STRN: variants seen among roughly 807,000 people sequenced by gnomAD.
STRN encodes the protein protein phosphatase 2 regulatory subunit B'''alpha.
Under a neutral mutation model 96.3 loss-of-function variants are expected in STRN, and 53 were observed. The observed-to-expected ratio is 0.55, with a 90% CI of 0.44 to 0.69. The LOEUF is 0.69. Among genes scored for constraint, STRN ranks in the 30% least tolerant of loss-of-function variants. STRN has a pLI of 0.00. For synonymous variants in STRN, 428 were observed against 355.9 expected, an observed-to-expected ratio of 1.20 and a Z score of -2.28; for missense variants, 987 against 963.9, an observed-to-expected ratio of 1.02 and a Z score of -0.32.
chr2:36,916,048 A>G (rs779702649), intron 3 of STRN, 30 bp downstream of exon 3: 2 of 1,575,410 alleles, frequency 1.3e-6, no homozygotes, highest in Non-Finnish European at 8.7e-7. Flanking sequence ...CTTCTTTTTA[A>G]CACTTAAACT....
chr2:36,838,411 T>C lies in STRN; in HGVS notation c.*11045A>G, dbSNP rs1010728459. 2.6e-5 allele frequency among the ~76,000 whole-genome samples: 4 copies of C among 152,202 alleles called. No homozygotes were observed. Among genetic ancestry groups the C allele is most frequent in the Non-Finnish European group, 2.9e-5 (2 of 68,026 alleles). On this transcript the variant is annotated 3_prime_UTR_variant, in exon 18 of 18. Coordinates refer to ENST00000263918, the MANE Select transcript of STRN (RefSeq NM_003162.4). ...GAGTTCTAACCTACAGAACTTTGAA[T>C]AGATAATTCAGTTCTGAGTGCAATC...
At chr2:36,919,720 G>T (rs939878366) in intron 2 of STRN, among the ~76,000 whole-genome samples, 8 of 152,160 alleles carry the variant, frequency 5.3e-5, no homozygotes, top group African/African-American at 1.9e-4. Context: ...AATACTAGAA[G>T]CAAGGAGGAC....
rs540074000 is a variant in STRN, at chr2:36,842,179, T to A, written c.*7277A>T. The stretch of plus-strand genomic sequence containing the variant: ...TACAACTCACGATTAATGTAAAACG[T>A]TGCTTTCCATGTGCTTTTTTTTCTT... On this transcript the variant is annotated 3_prime_UTR_variant, in exon 18 of 18. Coordinates refer to ENST00000263918, the MANE Select transcript of STRN (RefSeq NM_003162.4). The A allele has an allele frequency of 6.6e-6, 1 of 152,206 alleles. No individual in the cohort carries two copies. Among genetic ancestry groups the A allele is most frequent in the East Asian group, 1.9e-4 (1 of 5,198 alleles). 9.4% of individuals were successfully genotyped at this position (152,206 alleles called of 1,614,324 possible).
chr2:36,934,708 C>G (rs74968008), intron 1 of STRN, among the ~76,000 whole-genome samples: 3 of 152,186 alleles, frequency 2.0e-5, no homozygotes, highest in Non-Finnish European at 4.4e-5. Flanking sequence ...AGAAGGCTAT[C>G]GACAATCTGT....
intron 6 of STRN, among the ~76,000 whole-genome samples, chr2:36,897,985 G>A (rs563263190): frequency 8.8e-4 from 134 of 152,132 alleles, no homozygotes; most frequent in African/African-American, 2.7e-3. Flanking sequence ...GCCACTGCAC[G>A]CAGCACAGAA....
intron 1 of STRN, among the ~76,000 whole-genome samples, chr2:36,927,014 A>G (rs1276762805): frequency 6.6e-6 from 1 of 152,182 alleles, no homozygotes; most frequent in African/African-American, 2.4e-5. Flanking sequence ...TAATAAAAAT[A>G]ATAAGCTAAT....
At chr2:36,960,059 G>A (rs1037286420) in intron 1 of STRN, among the ~76,000 whole-genome samples, 1 of 152,152 alleles carries the variant, frequency 6.6e-6, no homozygotes, top group Non-Finnish European at 1.5e-5. Context: ...TGAGTAGAAT[G>A]AAAAATGAAC....
At chr2:36,874,326 G>C (rs1362914003) in intron 10 of STRN, among the ~76,000 whole-genome samples, 1 of 150,730 alleles carries the variant, frequency 6.6e-6, no homozygotes, top group Non-Finnish European at 1.5e-5. Flanking sequence ...ACTGACTACA[G>C]ATTACTGAAG....
chr2:36,884,140 A>T (rs1228883706), intron 8 of STRN, 65 bp from the exon 9 acceptor site: 1 of 1,264,892 alleles, frequency 7.9e-7, no homozygotes, highest in East Asian at 2.8e-5. Context: ...CAATTGCATC[A>T]AAATGGTATT....
chr2:36,944,174 A>C (rs755399145), intron 1 of STRN, among the ~76,000 whole-genome samples: 1 of 152,186 alleles, frequency 6.6e-6, no homozygotes, highest in South Asian at 2.1e-4. Context: ...ACACTAACAG[A>C]CAGTTGAAAA....
At chr2:36,923,943 T>C (rs1670330674) in intron 2 of STRN, among the ~76,000 whole-genome samples, 1 of 152,198 alleles carries the variant, frequency 6.6e-6, no homozygotes, top group African/African-American at 2.4e-5. Context: ...TGACCTATTT[T>C]CCTTTACTTG....
intron 14 of STRN, among the ~76,000 whole-genome samples, chr2:36,857,230 A>G (rs551728478): frequency 2.0e-5 from 3 of 151,966 alleles, no homozygotes; most frequent in African/African-American, 7.2e-5. Flanking sequence ...CCTGGATTCT[A>G]TGTCTTGATT....
At chr2:36,880,208 T>A (rs1669032042) in intron 9 of STRN, among the ~76,000 whole-genome samples, 1 of 152,226 alleles carries the variant, frequency 6.6e-6, no homozygotes, top group African/African-American at 2.4e-5. Context: ...CCTCAAGCGA[T>A]CTCCCTGCCT....
intron 9 of STRN, among the ~76,000 whole-genome samples, chr2:36,879,698 A>C (rs975280852): frequency 2.6e-5 from 4 of 152,248 alleles, no homozygotes; most frequent in Non-Finnish European, 5.9e-5. Context: ...AGATGAATTT[A>C]GTAGTTCAAA....
rs764585076 is a variant in STRN, at chr2:36,966,493, C to T, written c.-30G>A. On this transcript the variant is annotated 5_prime_UTR_variant, in exon 1 of 18. Coordinates refer to ENST00000263918, the MANE Select transcript of STRN (RefSeq NM_003162.4). The stretch of plus-strand genomic sequence containing the variant: ...GCCGCAGATACCCGGGGAGCTGCCC[C>T]GGCGCCCAGCAGCGGAGGCAACAGC... 3.6e-6 allele frequency: 5 copies of T among 1,396,130 alleles called. No homozygotes were observed. The South Asian group carries it at 6.2e-5, about 17-fold the overall frequency. 86.5% of individuals were successfully genotyped at this position (1,396,130 alleles called of 1,614,324 possible).
chr2:36,899,457 T>A (rs1669626891), intron 6 of STRN, 66 bp downstream of exon 6: 1 of 1,342,830 alleles, frequency 7.4e-7, no homozygotes, highest in Non-Finnish European at 9.8e-7. Flanking sequence ...TGGATTCTTT[T>A]ATGCATTATA....
chr2:36,899,745 T>C (rs552157390), intron 5 of STRN, 87 bp from the exon 6 acceptor site: 40 of 1,220,998 alleles, frequency 3.3e-5, no homozygotes, highest in South Asian at 8.3e-5. Flanking sequence ...TCAACTTCTA[T>C]TTATATGGTA....
rs1553395097 is a variant in STRN at position 36,874,730 on chromosome 2, A to AAC, written c.1323+3160_1323+3161insGT. Among the ~76,000 whole-genome samples, 1,202 of 149,612 alleles carry AAC rather than the reference A, an allele frequency of 8.0e-3. 27 individuals are homozygous for AAC. The highest frequency in any genetic ancestry group is 0.028 in the African/African-American group (1,116 of 40,432). ...TATGTTTAGAGTTAAAAAAAAAAAA[A>AAC]AAAAAAAAAACACCTCTGCCAACTA... is the stretch of plus-strand genomic sequence containing the variant. On this transcript the variant is annotated intron_variant, in intron 10 of 17. Transcript: ENST00000263918.
chr2:36,964,299 T>G (rs1474389621), intron 1 of STRN, among the ~76,000 whole-genome samples: 2 of 150,952 alleles, frequency 1.3e-5, no homozygotes, highest in Non-Finnish European at 3.0e-5. Flanking sequence ...CAAATTAGTG[T>G]GAGTTATCTA....
Sources: gnomAD v4.1 joint callset for allele counts (sites outside exome capture counted in the v4.1 genomes callset) on GRCh38, gnomAD v4.1.1 for gene constraint, MANE v1.5 for transcripts, NCBI Gene and HGNC (gene_info 2026-07-23, HGNC 2026-07-21) for gene names.